The following GPR63 variants were observed in gnomAD, a reference collection of about 807,000 sequenced individuals.
GPR63 encodes probable G protein-coupled receptor 63.
A neutral mutation model predicts 23.1 loss-of-function variants in GPR63; 12 were observed. The ratio of observed to expected loss-of-function variants is 0.52; its 90% CI spans 0.33 to 0.84. GPR63 has a LOEUF of 0.84. Ranked by LOEUF, GPR63 falls within the 40% of genes least tolerant of loss-of-function variation. The probability of loss-of-function intolerance (pLI) is 0.02; values close to 1 mark genes in which losing one functional copy is unlikely to be tolerated. For synonymous variants in GPR63, 172 were observed against 191.1 expected (o/e 0.90, Z 0.82); for missense variants, 472 against 515.6 (o/e 0.92, Z 0.82).
intron 1 of GPR63, among the ~76,000 whole-genome samples, chr6:96,811,397 A>C (rs1774040820): frequency 6.6e-6 from 1 of 152,196 alleles, no homozygotes; most frequent in South Asian, 2.1e-4. Context: ...TTTTGTCTTG[A>C]ACAAAATGAA....
chr6:96,816,314 T>C (rs992729890), intron 1 of GPR63, among the ~76,000 whole-genome samples: 2 of 152,180 alleles, frequency 1.3e-5, no homozygotes, highest in Non-Finnish European at 2.9e-5. Context: ...TTCTAGCAAG[T>C]TGATACTCCA....
intron 1 of GPR63, among the ~76,000 whole-genome samples, chr6:96,819,491 G>C (rs1047741025): frequency 2.0e-5 from 3 of 151,918 alleles, no homozygotes; most frequent in Non-Finnish European, 4.4e-5. Context: ...GACAGGGAGG[G>C]GAACATCACA....
intron 1 of GPR63, among the ~76,000 whole-genome samples, chr6:96,812,596 C>T (rs1470243061): frequency 6.6e-6 from 1 of 151,992 alleles, no homozygotes; most frequent in Non-Finnish European, 1.5e-5. Context: ...TTTTAAGTGG[C>T]TAATAGATTA....
chr6:96,823,567 T>C (rs1447486598), intron 1 of GPR63, among the ~76,000 whole-genome samples: 1 of 152,196 alleles, frequency 6.6e-6, no homozygotes, highest in Admixed American at 6.5e-5. Context: ...GTAAAAAATT[T>C]ACAGTAAGGT....
At chr6:96,805,099 C>T (rs777212856) in intron 1 of GPR63, among the ~76,000 whole-genome samples, 1 of 152,086 alleles carries the variant, frequency 6.6e-6, no homozygotes, top group Admixed American at 6.6e-5. Flanking sequence ...TATACATACA[C>T]ACACACACAT....
intron 1 of GPR63, among the ~76,000 whole-genome samples, chr6:96,834,599 C>T (rs1174495313): frequency 6.7e-6 from 1 of 148,994 alleles, no homozygotes; most frequent in Non-Finnish European, 1.5e-5. Flanking sequence ...CCACCTGCAA[C>T]AAAGTAAAGG....
At chr6:96,834,567 CAAAAAAA>C (rs5878452) in intron 1 of GPR63, among the ~76,000 whole-genome samples, 4 of 133,032 alleles carry the variant, frequency 3.0e-5, no homozygotes, top group African/African-American at 1.1e-4. Context: ...GTCATAGTTG[CAAAAAAA>C]AAAAGGAAAA....
In GPR63 at chr6:96,798,800, CGT is replaced by C. The variant is rs1562111846; in HGVS notation, c.930_931del (p.Arg311CysfsTer30). On this transcript the variant is annotated frameshift_variant, in exon 2 of 2. Transcript: ENST00000229955. LOFTEE classifies it high-confidence loss of function. ...GAGAATCAAAATAGTGGTGAAGGCACGTGTTTTAAAGCCCATGTCAATGCTCA... is the reference window on the plus strand; with the variant it reads ...GAGAATCAAAATAGTGGTGAAGGCACGTTTTAAAGCCCATGTCAATGCTCA... The C allele has an allele frequency of 6.2e-7, 1 of 1,614,106 alleles. No homozygotes were observed. The highest frequency in any genetic ancestry group is 8.5e-7 in the Non-Finnish European group (1 of 1,180,040).
chr6:96,816,092 T>TAAGA (rs1774156407), intron 1 of GPR63, among the ~76,000 whole-genome samples: 1 of 152,216 alleles, frequency 6.6e-6, no homozygotes, highest in Non-Finnish European at 1.5e-5. Context: ...CATGGATTCT[T>TAAGA]ATTTGTTAAT....
intron 1 of GPR63, among the ~76,000 whole-genome samples, chr6:96,818,503 T>C (rs1441892137): frequency 6.6e-6 from 1 of 152,132 alleles, no homozygotes; most frequent in African/African-American, 2.4e-5. Context: ...GTAAGAAATT[T>C]GAAGCAATCC....
chr6:96,810,622 T>TA (rs577794614), intron 1 of GPR63, among the ~76,000 whole-genome samples: 8 of 146,496 alleles, frequency 5.5e-5, no homozygotes, highest in South Asian at 2.2e-4. Flanking sequence ...CATCATATAC[T>TA]AAAAAAAAAA....
chr6:96,802,924 C>T (rs1773808186), intron 1 of GPR63, among the ~76,000 whole-genome samples: 1 of 152,004 alleles, frequency 6.6e-6, no homozygotes, highest in African/African-American at 2.4e-5. Flanking sequence ...ATGCCAATTA[C>T]CACAGAGTAT....
intron 1 of GPR63, among the ~76,000 whole-genome samples, chr6:96,818,643 G>A (rs1184905050): frequency 6.6e-6 from 1 of 152,126 alleles, no homozygotes; most frequent in Non-Finnish European, 1.5e-5. Flanking sequence ...GTGAAGAAAA[G>A]CTGTATACAT....
At position 96,795,364 on chromosome 6, in the gene GPR63, C is replaced by T. The variant is rs1773554895; in HGVS notation, c.*3108G>A. On this transcript the variant is annotated 3_prime_UTR_variant, in exon 2 of 2. Transcript: ENST00000229955. ...AGTGAGAATTAGTAGTGGTATCTTT[C>T]CCTGCCTCAAGAAAATATGGGGGAA... 6.6e-6 allele frequency: 1 copy of T among 152,190 alleles called. No individual in the cohort carries two copies. The highest frequency in any genetic ancestry group is 2.4e-5 in the African/African-American group (1 of 41,440). The allele number at this position is 152,190 out of a possible 1,614,324, so 9.4% of individuals were successfully genotyped here.
At chr6:96,807,349 A>C (rs921523591) in intron 1 of GPR63, among the ~76,000 whole-genome samples, 1 of 152,212 alleles carries the variant, frequency 6.6e-6, no homozygotes, top group African/African-American at 2.4e-5. Context: ...CTGGATACTC[A>C]CTGTGGCAAC....
At position 96,818,214 on chromosome 6, in the gene GPR63, C is replaced by A. The variant is rs368939119; in HGVS notation, c.-150-18333G>T. On this transcript the variant is annotated intron_variant, in intron 1 of 1. Transcript: ENST00000229955. ...TGGTGGCTCAGGCCTGTAATCCCAG[C>A]ACTTTAGGAGGCCAAGGCGGGTGGA... Among the ~76,000 whole-genome samples, 16 of 152,072 alleles carry A rather than the reference C, an allele frequency of 1.1e-4. No individual in the cohort carries two copies. In the East Asian group the frequency reaches 2.5e-3, roughly 24 times the overall value.
At chr6:96,836,065 C>T (rs1191641068) in intron 1 of GPR63, among the ~76,000 whole-genome samples, 2 of 151,992 alleles carry the variant, frequency 1.3e-5, no homozygotes, top group Admixed American at 1.3e-4. Flanking sequence ...AATATAGGGA[C>T]TTTTCATCAG....
chr6:96,800,354 A>T (rs1773730334), intron 1 of GPR63, among the ~76,000 whole-genome samples: 1 of 152,152 alleles, frequency 6.6e-6, no homozygotes, highest in African/African-American at 2.4e-5. Flanking sequence ...TGACAAAGAA[A>T]CCTAAAGCAG....
chr6:96,810,062 C>T (rs1774002337), intron 1 of GPR63, among the ~76,000 whole-genome samples: 1 of 152,082 alleles, frequency 6.6e-6, no homozygotes, highest in Non-Finnish European at 1.5e-5. Flanking sequence ...GGCAGTATTT[C>T]TTAATATTAA....
Sources: gnomAD v4.1 joint callset for allele counts (sites outside exome capture counted in the v4.1 genomes callset) on GRCh38, gnomAD v4.1.1 for gene constraint, MANE v1.5 for transcripts, NCBI Gene and HGNC (gene_info 2026-07-23, HGNC 2026-07-21) for gene names.